Variants in CCDC88A observed in about 807,000 individuals in gnomAD.
CCDC88A encodes coiled-coil and HOOK domain protein 88A.
A neutral mutation model predicts 234.3 loss-of-function variants in CCDC88A; 54 were observed. The observed-to-expected ratio is 0.23, with a 90% CI of 0.19 to 0.29. The LOEUF is 0.29. Among genes scored for constraint, CCDC88A ranks in the 10% least tolerant of loss-of-function variants. The pLI is 1.00. For synonymous variants in CCDC88A, 753 were observed against 737.8 expected (o/e 1.02, Z -0.33); for missense variants, 1,832 against 2,123.4 (o/e 0.86, Z 2.70).
In CCDC88A at chr2:55,290,920, A is replaced by C. The variant is rs919534264; in HGVS notation, c.*280T>G. 2 of 152,540 alleles carry C rather than the reference A, an allele frequency of 1.3e-5. No homozygotes were observed. Among genetic ancestry groups the C allele is most frequent in the Admixed American group, 1.3e-4 (2 of 15,268 alleles). The allele number at this position is 152,540 out of a possible 1,614,324, so 9.4% of individuals were successfully genotyped here. A position where few individuals can be genotyped will look rare whatever the true frequency, so the allele number is the denominator to read the frequency against. On this transcript the variant is annotated 3_prime_UTR_variant, in exon 33 of 33. Transcript: ENST00000436346. ...GGTCCTTAGTGAGAGAACGTCCTTTATTCAGTAGATCTTAACAGTACAAGG... is the reference window on the plus strand; with the variant it reads ...GGTCCTTAGTGAGAGAACGTCCTTTCTTCAGTAGATCTTAACAGTACAAGG...
Position 55,333,000 on chromosome 2 carries a change from C to A in CCDC88A, c.2728-307G>T, listed in dbSNP as rs892222029. Reference sequence around the variant, plus strand: ...ATCCATTTACTTTTTAATAATGAGCCTGAACTTTAGTGCACATTTCTTCTT... The same window carrying A: ...ATCCATTTACTTTTTAATAATGAGCATGAACTTTAGTGCACATTTCTTCTT... On this transcript the variant is annotated intron_variant, in intron 15 of 32. Transcript: ENST00000436346. This position sits in a 1 kb window ranked among gnomAD's most constrained non-coding sequence, Gnocchi z 4.5. Among the ~76,000 whole-genome samples the A allele has an allele frequency of 1.3e-5, 2 of 152,024 alleles. No homozygotes were observed. The highest frequency in any genetic ancestry group is 4.8e-5 in the African/African-American group (2 of 41,390).
intron 5 of CCDC88A, 141 bp from the exon 6 acceptor site, chr2:55,364,174 A>G (rs1244084163): frequency 6.2e-6 from 3 of 484,600 alleles, no homozygotes; most frequent in African/African-American, 6.0e-5. Context: ...ATTGTCCAAC[A>G]TACTTACCTA....
intron 4 of CCDC88A, among the ~76,000 whole-genome samples, chr2:55,374,184 G>C (rs1673248406): frequency 6.6e-6 from 1 of 152,094 alleles, no homozygotes; most frequent in Non-Finnish European, 1.5e-5. Flanking sequence ...GACTGGCCTG[G>C]CCAACATGGT....
chr2:55,291,798 G>GTTAT (rs553302225), intron 31 of CCDC88A, 23 bp from the exon 32 acceptor site: 5 of 1,583,778 alleles, frequency 3.2e-6, no homozygotes, highest in Non-Finnish European at 4.3e-6. Context: ...AGCATTTCAT[G>GTTAT]TTATTTAGTC....
rs1169447911 is a variant in CCDC88A at position 55,346,287 on chromosome 2, T to G, written c.929A>C (p.Asp310Ala). ...SDARSARMYR[D>A]ELDALREKAV... ...TTTCTCTCGAAGTGCATCTAATTCA[T>G]CTCGGTACATTCTGGCAGAGCGAGC... Residue 310 changes from aspartate (D) to alanine (A), a missense_variant, in exon 10 of 33, where the codon GAT becomes GCT. This residue lies in a region of CCDC88A where 1,282 missense variants were observed against 1,543.6 expected (regional missense o/e 0.83). Transcript: ENST00000436346. The G allele has an allele frequency of 2.5e-6, 4 of 1,610,012 alleles. No homozygotes were observed.
Position 55,419,519 on chromosome 2 carries a change from CGCCACCAG to C in CCDC88A, c.-448_-441del. 6.3e-6 allele frequency: 1 copy of C among 159,786 alleles called. No individual in the cohort carries two copies. Among genetic ancestry groups the C allele is most frequent in the Non-Finnish European group, 1.4e-5 (1 of 72,814 alleles). The allele number at this position is 159,786 out of a possible 1,614,324, so 9.9% of individuals were successfully genotyped here. A position where few individuals can be genotyped will look rare whatever the true frequency, so the allele number is the denominator to read the frequency against. ...AGAGACCACGTTAAGGATACCGAGGCGCCACCAGACTCGACCTCGGCGTTCCGACCTCT... is the reference window on the plus strand; with the variant it reads ...AGAGACCACGTTAAGGATACCGAGGCACTCGACCTCGGCGTTCCGACCTCT... On this transcript the variant is annotated 5_prime_UTR_variant, in exon 1 of 33. Transcript: ENST00000436346.
At chr2:55,377,127 C>T (rs187917570) in intron 3 of CCDC88A, among the ~76,000 whole-genome samples, 18 of 151,542 alleles carry the variant, frequency 1.2e-4, no homozygotes, top group Admixed American at 5.9e-4. Context: ...CCACCGTGCC[C>T]GGACACTTCA....
At chr2:55,358,928 G>C (rs1670939236) in intron 7 of CCDC88A, among the ~76,000 whole-genome samples, 1 of 152,006 alleles carries the variant, frequency 6.6e-6, no homozygotes, top group Non-Finnish European at 1.5e-5. Flanking sequence ...TAGTAGCCCA[G>C]GCTCCACATA....
Position 55,295,737 on chromosome 2 carries a change from C to T in CCDC88A, c.5411G>A (p.Arg1804His), listed in dbSNP as rs1464093756. The T allele has an allele frequency of 5.6e-6, 9 of 1,614,002 alleles. No homozygotes were observed. The highest frequency in any genetic ancestry group is 3.3e-5 in the South Asian group (3 of 91,078). Reference sequence around the variant, plus strand: ...GGCAGTTGAGATCACGCTGCTTGCACGAGGTAAAGTTGCATAAGGGTTACT... The same window carrying T: ...GGCAGTTGAGATCACGCTGCTTGCATGAGGTAAAGTTGCATAAGGGTTACT... Reference protein sequence around the residue: ...KDSNPYATLPRASSVISTAEG... With the variant: ...KDSNPYATLPHASSVISTAEG... Residue 1804 changes from arginine (R) to histidine (H), a missense_variant, in exon 31 of 33, where the codon CGT becomes CAT. Physicochemically the swap from Arg to His is conservative, Grantham distance 29. Transcript: ENST00000436346.
chr2:55,414,927 CGTGGTG>C (rs1242033716), intron 2 of CCDC88A, among the ~76,000 whole-genome samples: 3 of 151,642 alleles, frequency 2.0e-5, no homozygotes, highest in Non-Finnish European at 2.9e-5. Context: ...ATTAGCCAGG[CGTGGTG>C]GTGGGTGCCT....
intron 12 of CCDC88A, among the ~76,000 whole-genome samples, chr2:55,341,291 C>T (rs113262128): frequency 2.6e-5 from 4 of 150,946 alleles, no homozygotes; most frequent in South Asian, 2.1e-4. Flanking sequence ...ACTACAGGCG[C>T]GCGCCACCAC....
chr2:55,341,485 C>T (rs1254071029), intron 12 of CCDC88A, among the ~76,000 whole-genome samples: 1 of 147,364 alleles, frequency 6.8e-6, no homozygotes, highest in African/African-American at 2.5e-5. Context: ...CACTGTGTCA[C>T]CTAGGCTGGA....
intron 2 of CCDC88A, among the ~76,000 whole-genome samples, chr2:55,400,586 A>G (rs567651077): frequency 6.6e-6 from 1 of 152,390 alleles, no homozygotes; most frequent in South Asian, 2.1e-4. Context: ...AAAAATTTGT[A>G]AATCAGGAAA....
chr2:55,303,524 G>A (rs1681152571), intron 25 of CCDC88A, among the ~76,000 whole-genome samples: 3 of 151,784 alleles, frequency 2.0e-5, no homozygotes, highest in Non-Finnish European at 1.5e-5. Context: ...TGGAATTACA[G>A]GCATGTGCCA....
intron 16 of CCDC88A, among the ~76,000 whole-genome samples, chr2:55,330,779 T>C (rs184236532): frequency 5.9e-5 from 9 of 152,338 alleles, no homozygotes; most frequent in African/African-American, 9.6e-5. Flanking sequence ...TAGACTATTA[T>C]AATCACTTCC....
rs1457983880 is a variant in CCDC88A, at chr2:55,332,404, G to C, written c.2855+162C>G. 5 of 1,266,496 alleles carry C rather than the reference G, an allele frequency of 3.9e-6. No homozygotes were observed. In the East Asian group the frequency reaches 1.3e-4, roughly 34 times the overall value. The allele number at this position is 1,266,496 out of a possible 1,614,324, so 78.5% of individuals were successfully genotyped here. On this transcript the variant is annotated intron_variant, in intron 16 of 32. Transcript: ENST00000436346. The surrounding 1 kb of genome is among the most constrained non-coding windows in gnomAD (Gnocchi z 4.5). ...CCCAAAGTGCTGGGATTATAGGTGT[G>C]AGCCACCGCACCCGGCTACAGAACT...
intron 9 of CCDC88A, among the ~76,000 whole-genome samples, chr2:55,347,800 CAG>C (rs1311338399): frequency 6.6e-6 from 1 of 151,688 alleles, no homozygotes; most frequent in African/African-American, 2.4e-5. Flanking sequence ...TCAGTAGAGA[CAG>C]AGTTTCGCCA....
chr2:55,363,892 CAAAT>C (rs1011636133), intron 6 of CCDC88A, 54 bp downstream of exon 6: 42 of 905,448 alleles, frequency 4.6e-5, no homozygotes, highest in African/African-American at 3.0e-4. Flanking sequence ...AGGAGATAGA[CAAAT>C]AAACACACCA....
At chr2:55,409,451 A>G (rs1188686664) in intron 2 of CCDC88A, among the ~76,000 whole-genome samples, 1 of 152,180 alleles carries the variant, frequency 6.6e-6, no homozygotes, top group Non-Finnish European at 1.5e-5. Context: ...ATTCCTTATC[A>G]TGGCACAGAT....
Sources: gnomAD v4.1 joint callset for allele counts (sites outside exome capture counted in the v4.1 genomes callset) on GRCh38, gnomAD v4.1.1 for gene constraint, gnomAD v4.1.1 regional missense constraint, Gnocchi (gnomAD v3.1) non-coding constraint, MANE v1.5 for transcripts, NCBI Gene and HGNC (gene_info 2026-07-23, HGNC 2026-07-21) for gene names.